Variants in RP2 observed in about 807,000 individuals in gnomAD.
RP2 encodes the protein RP2 activator of ARL3 GTPase.
Under a neutral mutation model 20.3 loss-of-function variants are expected in RP2, and 3 were observed. The ratio of observed to expected loss-of-function variants is 0.15; its 90% CI spans 0.07 to 0.38. The LOEUF is 0.38. Ranked by LOEUF, RP2 falls within the 10% of genes least tolerant of loss-of-function variation. RP2 has a pLI of 1.00. For synonymous variants in RP2, 75 were observed against 94.8 expected (o/e 0.79, Z 1.22); for missense variants, 233 against 268.5 (o/e 0.87, Z 0.92).
At chrX:46,854,363 G>A (rs1251752201) in intron 2 of RP2, among the ~76,000 whole-genome samples, 1 of 111,685 alleles carries the variant, frequency 9.0e-6, no homozygotes, top group Non-Finnish European at 1.9e-5. Flanking sequence ...ATTCAATTCA[G>A]TAAGCATTAA....
At position 46,837,159 on chromosome X, in the gene RP2, A is replaced by G. The variant is rs1924523547; in HGVS notation, c.59A>G (p.Glu20Gly). 8.6e-7 allele frequency: 1 copy of G among 1,169,274 alleles called. No individual in the cohort carries two copies. The highest frequency in any genetic ancestry group is 2.6e-5 in the Admixed American group (1 of 39,143). Residue 20 changes from glutamate (E) to glycine (G), a missense_variant, in exon 1 of 5, where the codon GAG (glutamate) becomes GGG (glycine). By Grantham distance (98) the Glu-to-Gly change is moderately conservative. Around this residue, in one of 3 missense-constraint regions of RP2, gnomAD observed 77 missense variants for 71.8 expected, o/e 1.07. Coordinates refer to ENST00000218340, the MANE Select transcript of RP2 (RefSeq NM_006915.3). ...GACAAGGAGTCGCGGCCCGAGAACGAGGAGGAGCGGCCAAAGCAGTACAGC... is the reference window on the plus strand; with the variant it reads ...GACAAGGAGTCGCGGCCCGAGAACGGGGAGGAGCGGCCAAAGCAGTACAGC... ...KADKESRPEN[E>G]EERPKQYSWD... is the part of the protein sequence containing the mutation.
intron 3 of RP2, 105 bp downstream of exon 3, chrX:46,860,207 T>G: frequency 3.5e-6 from 2 of 569,063 alleles, no homozygotes; most frequent in Non-Finnish European, 3.0e-6. Flanking sequence ...CTCTTTCTCA[T>G]TTGTTCTTTG....
chrX:46,863,192 G>T (rs1248623884), intron 3 of RP2, among the ~76,000 whole-genome samples: 1 of 111,675 alleles, frequency 9.0e-6, no homozygotes, highest in Non-Finnish European at 1.9e-5. Context: ...AATTATCGTT[G>T]ATCCTTTGGT....
intron 1 of RP2, among the ~76,000 whole-genome samples, chrX:46,847,882 A>T (rs1924783589): frequency 1.0e-5 from 1 of 98,145 alleles, no homozygotes; most frequent in African/African-American, 3.8e-5. Flanking sequence ...ATATACACGC[A>T]TATATATGCG....
At chrX:46,847,787 C>CGTGTGTGTGT (rs1924770032) in intron 1 of RP2, among the ~76,000 whole-genome samples, 8 of 82,651 alleles carry the variant, frequency 9.7e-5, no homozygotes, top group African/African-American at 2.7e-4. Flanking sequence ...TACATACACA[C>CGTGTGTGTGT]ATGTGTGTGT....
intron 1 of RP2, among the ~76,000 whole-genome samples, chrX:46,849,993 G>A (rs180921476): frequency 5.3e-5 from 6 of 112,395 alleles, no homozygotes. Context: ...ACAGAGGACA[G>A]GTCTGGTGAT....
rs1278035148 is a variant in RP2 at position 46,879,842 on chromosome X, T to C, written c.*73T>C. 7 of 624,273 alleles carry C rather than the reference T, an allele frequency of 1.1e-5. No homozygotes were observed. In the Admixed American group the frequency reaches 2.0e-4, roughly 18 times the overall value. The allele number at this position is 624,273 out of a possible 1,213,427, so 51.4% of individuals were successfully genotyped here. On this transcript the variant is annotated 3_prime_UTR_variant, in exon 5 of 5. Transcript: ENST00000218340. Reference sequence around the variant, plus strand: ...GAATATAGAATTTGATAATACACTTTTGTGTATTAGCAATGGTTTTTACTA... The same window carrying C: ...GAATATAGAATTTGATAATACACTTCTGTGTATTAGCAATGGTTTTTACTA...
At chrX:46,868,716 G>C (rs993742610) in intron 3 of RP2, among the ~76,000 whole-genome samples, 12 of 106,082 alleles carry the variant, frequency 1.1e-4, no homozygotes, top group Non-Finnish European at 1.7e-4. Context: ...AGCCCGGCAG[G>C]TGGAGGTTGC....
At chrX:46,846,589 T>TA (rs1217214585) in intron 1 of RP2, among the ~76,000 whole-genome samples, 49 of 107,849 alleles carry the variant, frequency 4.5e-4, no homozygotes, top group Admixed American at 3.7e-3. Flanking sequence ...CCTGTCTCTA[T>TA]AAAAAAAAAA....
chrX:46,840,046 C>T (rs1388549745), intron 1 of RP2, among the ~76,000 whole-genome samples: 3 of 112,144 alleles, frequency 2.7e-5, no homozygotes, highest in Admixed American at 9.5e-5. Flanking sequence ...GGCGCGATCT[C>T]GGCTCACTGC....
rs185674635 is a variant in RP2, at chrX:46,862,643, G to C, written c.883+2541G>C. On this transcript the variant is annotated intron_variant, in intron 3 of 4. Transcript: ENST00000218340. Reference sequence around the variant, plus strand: ...CCACTGCACTCCAGCCTGGGCGACAGAGCAAGACTCTGTCTCAAAAAAACA... The same window carrying C: ...CCACTGCACTCCAGCCTGGGCGACACAGCAAGACTCTGTCTCAAAAAAACA... 3.8e-3 allele frequency among the ~76,000 whole-genome samples: 429 copies of C among 111,661 alleles called. 2 individuals carry two copies. Among genetic ancestry groups the C allele is most frequent in the Non-Finnish European group, 4.2e-3 (223 of 53,116 alleles).
At chrX:46,861,822 CAG>C (rs1602350169) in intron 3 of RP2, among the ~76,000 whole-genome samples, 2 of 110,884 alleles carry the variant, frequency 1.8e-5, no homozygotes, top group Non-Finnish European at 3.8e-5. Context: ...GCCTGGGCAA[CAG>C]AGCAAGACCT....
Position 46,853,744 on chromosome X carries a change from A to C in RP2, c.371A>C (p.Lys124Thr). Residue 124 changes from lysine to threonine, a missense_variant, in exon 2 of 5, where the codon AAG becomes ACG. Coordinates refer to ENST00000218340, the MANE Select transcript of RP2 (RefSeq NM_006915.3). ...CQQFRVRDCR[K>T]LEVFLCCATQ... ...CAATTTCGTGTGCGAGATTGTAGAA[A>C]GCTGGAAGTCTTTTTGTGTTGTGCC... The C allele has an allele frequency of 8.2e-7, 1 of 1,212,232 alleles. No homozygotes were observed. The highest frequency in any genetic ancestry group is 1.1e-6 in the Non-Finnish European group (1 of 895,682).
chrX:46,864,039 C>T (rs887213459), intron 3 of RP2, among the ~76,000 whole-genome samples: 2 of 111,701 alleles, frequency 1.8e-5, no homozygotes, highest in South Asian at 3.7e-4. Context: ...CAGCCAGGCA[C>T]GGTGGCTCAC....
At chrX:46,865,859 C>T (rs28838052) in intron 3 of RP2, among the ~76,000 whole-genome samples, 278 of 108,772 alleles carry the variant, frequency 2.6e-3, no homozygotes, top group South Asian at 4.9e-3. Context: ...ACCTGGGAGG[C>T]GGAGATTGCA....
chrX:46,868,317 G>A (rs2147086180), intron 3 of RP2, among the ~76,000 whole-genome samples: 1 of 108,662 alleles, frequency 9.2e-6, no homozygotes, highest in African/African-American at 3.4e-5. Context: ...TTGAGCCCAG[G>A]AGTTCGAAAC....
intron 3 of RP2, among the ~76,000 whole-genome samples, chrX:46,869,377 G>A (rs1556324709): frequency 9.4e-6 from 1 of 106,003 alleles, no homozygotes. Flanking sequence ...TTGGCTCACC[G>A]CAACCTCTGC....
intron 1 of RP2, among the ~76,000 whole-genome samples, chrX:46,838,036 T>G (rs1556314030): frequency 8.9e-6 from 1 of 112,673 alleles, no homozygotes; most frequent in African/African-American, 3.2e-5. Context: ...CATTTGTGCT[T>G]ACTAAACTAC....
At chrX:46,875,258 T>C (rs1243817972) in intron 3 of RP2, among the ~76,000 whole-genome samples, 1 of 109,394 alleles carries the variant, frequency 9.1e-6, no homozygotes, top group Non-Finnish European at 1.9e-5. Context: ...ATTGTTTTAA[T>C]AGGCGTTGCA....
Sources: allele counts gnomAD v4.1 joint callset (sites outside exome capture counted in the v4.1 genomes callset), GRCh38; gene constraint gnomAD v4.1.1; regional missense constraint gnomAD v4.1.1; transcripts MANE v1.5; gene names NCBI Gene and HGNC (gene_info 2026-07-23, HGNC 2026-07-21).